TRAF3IP3: variants seen among roughly 807,000 people sequenced by gnomAD.
TRAF3IP3 encodes the protein TRAF3-interacting JNK-activating modulator.
TRAF3IP3 carries 64 observed loss-of-function variants against 86.5 expected under a neutral mutation model. The ratio of observed to expected loss-of-function variants is 0.74; its 90% CI spans 0.60 to 0.91. The LOEUF (loss-of-function observed/expected upper bound fraction) is 0.91, where lower values mean the gene tolerates loss of function less well. TRAF3IP3 is among the 40% of genes least tolerant of loss of function. The pLI is 0.00. For missense variants in TRAF3IP3, 579 were observed against 642.9 expected (o/e 0.90, Z 1.07); for synonymous variants, 220 against 243.9 (o/e 0.90, Z 0.91).
intron 2 of TRAF3IP3, 57 bp from the exon 3 acceptor site, chr1:209,759,925 C>T (rs185606119): frequency 5.3e-5 from 43 of 817,976 alleles, no homozygotes; most frequent in Non-Finnish European, 8.0e-5. Context: ...GGGAGATAGT[C>T]ATTTTTCTGC....
At chr1:209,779,265 T>G in intron 13 of TRAF3IP3, 50 bp from the exon 14 acceptor site, 3 of 1,545,992 alleles carry the variant, frequency 1.9e-6, no homozygotes, top group Non-Finnish European at 2.7e-6. Context: ...AAAGAAAACT[T>G]TTTGTAGTAA....
At chr1:209,765,042 G>A (rs1407824913) in intron 8 of TRAF3IP3, among the ~76,000 whole-genome samples, 2 of 151,858 alleles carry the variant, frequency 1.3e-5, no homozygotes, top group Non-Finnish European at 2.9e-5. Flanking sequence ...AGGCGTGGTG[G>A]TGCACACCTG....
chr1:209,759,488 C>T (rs1201218886), intron 2 of TRAF3IP3, among the ~76,000 whole-genome samples: 1 of 152,210 alleles, frequency 6.6e-6, no homozygotes, highest in East Asian at 1.9e-4. Flanking sequence ...AGAAGTGTCA[C>T]TCAACTATGT....
intron 8 of TRAF3IP3, among the ~76,000 whole-genome samples, chr1:209,767,197 T>C (rs1248487271): frequency 3.9e-5 from 6 of 152,158 alleles, no homozygotes; most frequent in Admixed American, 6.5e-5. Flanking sequence ...CATATATGTA[T>C]ATATATAAAA....
At chr1:209,770,660 G>A (rs1393709149) in intron 8 of TRAF3IP3, among the ~76,000 whole-genome samples, 4 of 142,128 alleles carry the variant, frequency 2.8e-5, no homozygotes, top group African/African-American at 5.3e-5. Flanking sequence ...TGCATGTGAA[G>A]GTGTGTGTGT....
rs1181374581 is a variant in TRAF3IP3, at chr1:209,777,386, C to T, written c.1088C>T (p.Ala363Val). The T allele has an allele frequency of 6.2e-7, 1 of 1,614,004 alleles. No homozygotes were observed. Among genetic ancestry groups the T allele is most frequent in the East Asian group, 2.2e-5 (1 of 44,864 alleles). The stretch of plus-strand genomic sequence containing the variant: ...AGCAGGGACTTACAGATGAACCAGG[C>T]CCTGCGATTTTTGGAAAATGAGCAC... ...ADSRDLQMNQ[A>V]LRFLENEHQQ... is the part of the protein sequence containing the mutation. The change falls in exon 12 of 17, where the codon GCC becomes GTC. Residue 363 changes from alanine to valine, a missense_variant. By Grantham distance (64) the Ala-to-Val change is moderately conservative. Transcript: ENST00000367025.
Position 209,782,053 on chromosome 1 carries a change from C to T in TRAF3IP3, c.1564-3C>T, listed in dbSNP as rs1381185742. The T allele has an allele frequency of 6.2e-7, 1 of 1,613,458 alleles. No homozygotes were observed. The highest frequency in any genetic ancestry group is 8.5e-7 in the Non-Finnish European group (1 of 1,179,378). On this transcript the variant is annotated splice_region_variant and splice_polypyrimidine_tract_variant and intron_variant, in intron 16 of 16. Transcript: ENST00000367025. The stretch of plus-strand genomic sequence containing the variant: ...TTTCTTCTGTCTCCCTGTCCCCCTA[C>T]AGAGGCAATGTGGGCGATGGCTCCC...
At chr1:209,759,956 T>C in intron 2 of TRAF3IP3, 26 bp from the exon 3 acceptor site, 1 of 1,183,600 alleles carries the variant, frequency 8.4e-7, no homozygotes, top group Non-Finnish European at 1.2e-6. Flanking sequence ...ACCCCTCCCC[T>C]TCTCCTCCCT....
At chr1:209,782,003 T>A (rs2077792204) in intron 16 of TRAF3IP3, 53 bp from the exon 17 acceptor site, 1 of 1,455,974 alleles carries the variant, frequency 6.9e-7, no homozygotes, top group African/African-American at 1.4e-5. Context: ...TTTGCCTATA[T>A]CTTTTCCAAT....
chr1:209,770,822 GGT>G (rs147851326), intron 8 of TRAF3IP3, among the ~76,000 whole-genome samples: 34,553 of 103,720 alleles, frequency 0.33, 7,681 homozygotes, highest in Non-Finnish European at 0.39. Flanking sequence ...TGCAGGTGGA[GGT>G]GTGTGTCTAT....
In TRAF3IP3 at chr1:209,777,272, T is replaced by C. The variant is rs1044322344; in HGVS notation, c.1054-80T>C. The C allele has an allele frequency of 3.9e-6, 5 of 1,294,870 alleles. No homozygotes were observed. The African/African-American group carries it at 4.5e-5, about 12-fold the overall frequency. The allele number at this position is 1,294,870 out of a possible 1,614,324, so 80.2% of individuals were successfully genotyped here. Reference sequence around the variant, plus strand: ...TAAAATTCCAGACTTTTCTACATTTTCCTCTTCCATGGTACCCGCCCCCCA... The same window carrying C: ...TAAAATTCCAGACTTTTCTACATTTCCCTCTTCCATGGTACCCGCCCCCCA... On this transcript the variant is annotated intron_variant, in intron 11 of 16. Coordinates refer to ENST00000367025, the MANE Select transcript of TRAF3IP3 (RefSeq NM_025228.4).
chr1:209,768,637 C>G (rs2077401830), intron 8 of TRAF3IP3: 2 of 985,772 alleles, frequency 2.0e-6, no homozygotes, highest in Non-Finnish European at 2.4e-6. Context: ...GAAGCAGGAG[C>G]TGAAGACCTC....
chr1:209,779,076 G>C lies in TRAF3IP3; in HGVS notation c.1253-239G>C. 3 of 565,310 alleles carry C rather than the reference G, an allele frequency of 5.3e-6. No individual in the cohort carries two copies. In the South Asian group the frequency reaches 6.3e-5, roughly 12 times the overall value. The allele number at this position is 565,310 out of a possible 1,614,324, so 35.0% of individuals were successfully genotyped here. ...TAAGGACACCAGTGATATTAGATTG[G>C]GGCCCACCTGAATGACCCCATTTTA... is the stretch of plus-strand genomic sequence containing the variant. On this transcript the variant is annotated intron_variant, in intron 13 of 16. Coordinates refer to ENST00000367025, the MANE Select transcript of TRAF3IP3 (RefSeq NM_025228.4).
chr1:209,767,484 G>T (rs538411742), intron 8 of TRAF3IP3, among the ~76,000 whole-genome samples: 3 of 152,190 alleles, frequency 2.0e-5, no homozygotes, highest in African/African-American at 7.2e-5. Context: ...TCACTTGAGT[G>T]ATCAAGACCA....
chr1:209,781,471 C>T lies in TRAF3IP3; in HGVS notation c.1563+13C>T. The T allele has an allele frequency of 6.3e-7, 1 of 1,589,978 alleles. No individual in the cohort carries two copies. Among genetic ancestry groups the T allele is most frequent in the Non-Finnish European group, 8.6e-7 (1 of 1,158,564 alleles). ...GCTGCCTCCCAGAGTAAGAGGGTCT[C>T]TCCTTCCCATAAAGCCCTGGATGAT... On this transcript the variant is annotated intron_variant, in intron 16 of 16. Coordinates refer to ENST00000367025, the MANE Select transcript of TRAF3IP3 (RefSeq NM_025228.4).
In TRAF3IP3 at chr1:209,780,597, G is replaced by A. The variant is rs146756204; in HGVS notation, c.1440G>A (p.Lys480=). 8.8e-6 allele frequency: 14 copies of A among 1,587,628 alleles called. No homozygotes were observed. Among genetic ancestry groups the A allele is most frequent in the Non-Finnish European group, 1.2e-5 (14 of 1,164,510 alleles). ...LQKKTLQLQA[K]EKECRELHSE... ...AGAAGACTTTGCAGCTCCAGGCCAA[G>A]GAAAAGGAGGTGAGAGGGTGACCTG... The change falls in exon 15 of 17, where the codon AAG becomes AAA. Residue 480 remains lysine, a synonymous_variant. Transcript: ENST00000367025.
Position 209,780,524 on chromosome 1 carries a change from A to G in TRAF3IP3, c.1367A>G (p.Glu456Gly). 6.2e-7 allele frequency: 1 copy of G among 1,603,580 alleles called. No individual in the cohort carries two copies. Among genetic ancestry groups the G allele is most frequent in the South Asian group, 1.1e-5 (1 of 89,772 alleles). ...PKSFPNEVEP[E>G]GTGKEKDWDL... ...TCCTTCCCTAACGAAGTGGAGCCTG[A>G]GGGTACAGGGAAGGAGAAAGACTGG... The change falls in exon 15 of 17, where the codon GAG (glutamate) becomes GGG (glycine). Residue 456 changes from glutamate (E) to glycine (G), a missense_variant. Transcript: ENST00000367025.
chr1:209,762,547 C>T lies in TRAF3IP3; in HGVS notation c.378C>T (p.Ala126=). 1 of 1,483,956 alleles carries T rather than the reference C, an allele frequency of 6.7e-7. No homozygotes were observed. Among genetic ancestry groups the T allele is most frequent in the South Asian group, 1.5e-5 (1 of 67,350 alleles). The allele number at this position is 1,483,956 out of a possible 1,614,324, so 91.9% of individuals were successfully genotyped here. A position where few individuals can be genotyped will look rare whatever the true frequency, so the allele number is the denominator to read the frequency against. Residue 126 remains alanine (A), a synonymous_variant, in exon 4 of 17, where the codon GCC becomes GCT. Transcript: ENST00000367025. ...VTGTSSEVFP[A]QHPPPSGICR... ...GCACCAGCTCTGAAGTCTTTCCAGCCCAGCATCCTCCTCCCTCAGGCATCT... is the reference window on the plus strand; with the variant it reads ...GCACCAGCTCTGAAGTCTTTCCAGCTCAGCATCCTCCTCCCTCAGGCATCT...
rs1391040833 is a variant in TRAF3IP3 at position 209,770,774 on chromosome 1, T to G, written c.703-2174T>G. Among the ~76,000 whole-genome samples, 2 of 88,738 alleles carry G rather than the reference T, an allele frequency of 2.3e-5. 1 individual carries two copies. The highest frequency in any genetic ancestry group is 4.3e-5 in the Non-Finnish European group (2 of 46,888). The allele number at this position is 88,738 out of a possible 152,430, so 58.2% of individuals were successfully genotyped here. On this transcript the variant is annotated intron_variant, in intron 8 of 16. Coordinates refer to ENST00000367025, the MANE Select transcript of TRAF3IP3 (RefSeq NM_025228.4). ...GTGCAGGTGGAGGTGTGCGTGTGCC[T>G]ATGGAGGTGTGTGTGTGTGCATATG...
Sources: gnomAD v4.1 joint callset for allele counts (sites outside exome capture counted in the v4.1 genomes callset) on GRCh38, gnomAD v4.1.1 for gene constraint, MANE v1.5 for transcripts, NCBI Gene and HGNC (gene_info 2026-07-23, HGNC 2026-07-21) for gene names.